Variants in CPLANE1 observed in about 807,000 individuals in gnomAD.
CPLANE1 encodes ciliogenesis and planar polarity effector 1.
A neutral mutation model predicts 362.5 loss-of-function variants in CPLANE1; 263 were observed. That is an observed-to-expected ratio of 0.73 (90% CI 0.66 to 0.80). The LOEUF (loss-of-function observed/expected upper bound fraction) is 0.80, where lower values mean the gene tolerates loss of function less well. Among genes scored for constraint, CPLANE1 ranks in the 30% least tolerant of loss-of-function variants. The pLI is 0.00. For missense variants in CPLANE1, 3,461 were observed against 3,793.4 expected (o/e 0.91, Z 2.30); for synonymous variants, 1,212 against 1,302.6 (o/e 0.93, Z 1.50).
At chr5:37,214,013 AG>A (rs1793334642) in intron 15 of CPLANE1, among the ~76,000 whole-genome samples, 2 of 152,124 alleles carry the variant, frequency 1.3e-5, no homozygotes, top group African/African-American at 4.8e-5. Context: ...AATGTTTTGG[AG>A]ATTTGTGACA....
rs552017367 is a variant in CPLANE1 at position 37,164,132 on chromosome 5, G to A, written c.7588+141C>T. ...TAGTCAATTATCAAACCTGAGTTGA[G>A]GGGGGTGGAGTATAGGAACCCTTGA... is the stretch of plus-strand genomic sequence containing the variant. On this transcript the variant is annotated intron_variant, in intron 37 of 52. Coordinates refer to ENST00000651892, the MANE Select transcript of CPLANE1 (RefSeq NM_001384732.1). 38 of 603,004 alleles carry A rather than the reference G, an allele frequency of 6.3e-5. No individual in the cohort carries two copies. In the South Asian group the frequency reaches 7.4e-4, roughly 12 times the overall value. The allele number at this position is 603,004 out of a possible 1,614,324, so 37.4% of individuals were successfully genotyped here.
At position 37,125,280 on chromosome 5, in the gene CPLANE1, C is replaced by T; in HGVS notation, c.8922G>A (p.Gly2974=). 6.2e-7 allele frequency: 1 copy of T among 1,613,936 alleles called. No homozygotes were observed. Among genetic ancestry groups the T allele is most frequent in the Non-Finnish European group, 8.5e-7 (1 of 1,179,956 alleles). Residue 2974 remains glycine, a synonymous_variant, in exon 47 of 53, where the codon GGG becomes GGA. Transcript: ENST00000651892. ...KYLNELAEKR[G]QEHDPFCPRS... ...TGGGACAGAAAGGATCATGTTCTTG[C>T]CCTCTCTTTTCTGCCAGCTCATTTA...
rs1561585179 is a variant in CPLANE1 at position 37,201,825 on chromosome 5, T to C, written c.3290-17A>G. On this transcript the variant is annotated splice_polypyrimidine_tract_variant and intron_variant, in intron 18 of 52. Coordinates refer to ENST00000651892, the MANE Select transcript of CPLANE1 (RefSeq NM_001384732.1). Reference sequence around the variant, plus strand: ...CAATGGGATCTATCAAATACAAAAATTTGGTAAAATAGTTAAAGCTTGTAT... The same window carrying C: ...CAATGGGATCTATCAAATACAAAAACTTGGTAAAATAGTTAAAGCTTGTAT... 6 of 1,563,242 alleles carry C rather than the reference T, an allele frequency of 3.8e-6. No individual in the cohort carries two copies. Among genetic ancestry groups the C allele is most frequent in the Non-Finnish European group, 5.2e-6 (6 of 1,143,958 alleles).
At chr5:37,138,602 A>T in intron 46 of CPLANE1, 118 bp downstream of exon 46, 1 of 1,135,870 alleles carries the variant, frequency 8.8e-7, no homozygotes, top group South Asian at 1.4e-5. Context: ...ATGAAAAAAA[A>T]ATCTATTCTA....
intron 2 of CPLANE1, 126 bp from the exon 3 acceptor site, chr5:37,245,971 T>C: frequency 1.1e-6 from 1 of 944,760 alleles, no homozygotes; most frequent in East Asian, 2.7e-5. Context: ...CCACAAATCA[T>C]AAAATGAACA....
chr5:37,175,859 T>G, intron 31 of CPLANE1, 50 bp downstream of exon 31: 1 of 1,291,028 alleles, frequency 7.7e-7, no homozygotes, highest in Admixed American at 1.8e-5. Flanking sequence ...CACTCTGTGA[T>G]TTGTAAAACA....
At chr5:37,133,095 T>C (rs1421752871) in intron 46 of CPLANE1, among the ~76,000 whole-genome samples, 1 of 152,162 alleles carries the variant, frequency 6.6e-6, no homozygotes, top group African/African-American at 2.4e-5. Context: ...GGTATGCAAC[T>C]TTATTTCTGA....
intron 35 of CPLANE1, among the ~76,000 whole-genome samples, chr5:37,166,229 G>A (rs984590297): frequency 2.6e-5 from 4 of 152,096 alleles, no homozygotes; most frequent in Admixed American, 6.6e-5. Context: ...CAATATATGC[G>A]GTAAAACACT....
At chr5:37,141,631 TA>T in intron 44 of CPLANE1, 3 of 974,110 alleles carry the variant, frequency 3.1e-6, no homozygotes, top group Non-Finnish European at 2.4e-6. Flanking sequence ...GAACATATAC[TA>T]AACACTCAGT....
chr5:37,174,363 G>A (rs569728758), intron 31 of CPLANE1, among the ~76,000 whole-genome samples: 12 of 152,234 alleles, frequency 7.9e-5, no homozygotes, highest in African/African-American at 2.9e-4. Flanking sequence ...ATAGAGTTAA[G>A]AAAACTACGG....
intron 50 of CPLANE1, among the ~76,000 whole-genome samples, chr5:37,116,818 C>CGTCA (rs904330438): frequency 6.6e-6 from 1 of 152,190 alleles, no homozygotes; most frequent in African/African-American, 2.4e-5. Context: ...AATGACTGAA[C>CGTCA]TTGACCTATG....
At chr5:37,082,594 T>A in the CPLANE1 span, among the ~76,000 whole-genome samples, 3 of 152,122 alleles carry the variant, frequency 2.0e-5, no homozygotes, top group African/African-American at 7.2e-5. Flanking sequence ...ATCTCCTTAA[T>A]AAAAAATGAA....
intron 9 of CPLANE1, among the ~76,000 whole-genome samples, chr5:37,230,170 C>T (rs1245299567): frequency 4.0e-5 from 6 of 148,764 alleles, no homozygotes; most frequent in African/African-American, 7.4e-5. Flanking sequence ...AGCGAAACTC[C>T]GTCTCAAGAA....
chr5:37,184,688 A>G lies in CPLANE1; in HGVS notation c.4481+100T>C, dbSNP rs1783517246. 12 of 918,436 alleles carry G rather than the reference A, an allele frequency of 1.3e-5. No individual in the cohort carries two copies. The South Asian group carries it at 1.9e-4, about 14-fold the overall frequency. 56.9% of individuals were successfully genotyped at this position (918,436 alleles called of 1,614,324 possible). A position where few individuals can be genotyped will look rare whatever the true frequency, so the allele number is the denominator to read the frequency against. On this transcript the variant is annotated intron_variant, in intron 25 of 52. Transcript: ENST00000651892. Reference sequence around the variant, plus strand: ...TATCATTCATATTATTAATAGCACAATCAGTGAGGGTTGCTGGGACCAGAA... The same window carrying G: ...TATCATTCATATTATTAATAGCACAGTCAGTGAGGGTTGCTGGGACCAGAA...
intron 16 of CPLANE1, chr5:37,212,321 T>C (rs1792840118): frequency 1.1e-5 from 10 of 907,616 alleles, no homozygotes; most frequent in Non-Finnish European, 1.9e-5. Flanking sequence ...CACTGCAATG[T>C]AGTGACAAAG....
chr5:37,139,207 C>G, intron 45 of CPLANE1, 133 bp downstream of exon 45: 1 of 836,186 alleles, frequency 1.2e-6, no homozygotes, highest in Non-Finnish European at 1.7e-6. Context: ...ATATTCCATA[C>G]CCAATGAAAA....
intron 21 of CPLANE1, among the ~76,000 whole-genome samples, chr5:37,192,626 A>G (rs1785867385): frequency 1.3e-5 from 2 of 152,054 alleles, no homozygotes; most frequent in South Asian, 4.1e-4. Context: ...GCACTTTGGG[A>G]GGCCAAGGCG....
At position 37,227,052 on chromosome 5, in the gene CPLANE1, T is replaced by C; in HGVS notation, c.1543A>G (p.Asn515Asp). ...DFQDFEAEET[N>D]EGRHFPDNLC... ...TTGTCTGGAAAGTGTCTGCCTTCGTTAGTTTCTTCTGCTTCAAAATCCTAA... is the reference window on the plus strand; with the variant it reads ...TTGTCTGGAAAGTGTCTGCCTTCGTCAGTTTCTTCTGCTTCAAAATCCTAA... Residue 515 changes from asparagine (N) to aspartate (D), a missense_variant, in exon 12 of 53, where the codon AAC (asparagine) becomes GAC (aspartate). Transcript: ENST00000651892. 1 of 1,545,568 alleles carries C rather than the reference T, an allele frequency of 6.5e-7. No individual in the cohort carries two copies. The highest frequency in any genetic ancestry group is 8.7e-7 in the Non-Finnish European group (1 of 1,144,564).
At chr5:37,234,743 T>G (rs889005733) in intron 8 of CPLANE1, among the ~76,000 whole-genome samples, 1 of 152,134 alleles carries the variant, frequency 6.6e-6, no homozygotes. Context: ...CAGCGGCTAT[T>G]ATATTCAGAA....
Sources: allele counts gnomAD v4.1 joint callset (sites outside exome capture counted in the v4.1 genomes callset), GRCh38; gene constraint gnomAD v4.1.1; transcripts MANE v1.5; gene names NCBI Gene and HGNC (gene_info 2026-07-23, HGNC 2026-07-21).